TRPM3: variants seen among roughly 807,000 people sequenced by gnomAD.
TRPM3 encodes the protein transient receptor potential cation channel subfamily M member 3.
TRPM3 carries 77 observed loss-of-function variants against 181.2 expected under a neutral mutation model. The observed-to-expected ratio is 0.42, with a 90% CI of 0.35 to 0.51. The LOEUF is 0.51. TRPM3 is among the 20% of genes least tolerant of loss of function. The pLI, the probability that TRPM3 is intolerant of heterozygous loss-of-function variation, is 0.01. For missense variants in TRPM3, 1,759 were observed against 2,196.7 expected (o/e 0.80, Z 3.98); for synonymous variants, 745 against 796.4 (o/e 0.94, Z 1.09).
chr9:70,948,141 A>G (rs2096956757), intron 1 of TRPM3, among the ~76,000 whole-genome samples: 1 of 150,302 alleles, frequency 6.7e-6, no homozygotes, highest in Non-Finnish European at 1.5e-5. Flanking sequence ...TGTCTTTCAG[A>G]TAGAGCACTA....
intron 1 of TRPM3, among the ~76,000 whole-genome samples, chr9:71,016,720 G>C (rs1184843669): frequency 2.0e-5 from 3 of 152,054 alleles, no homozygotes; most frequent in Admixed American, 1.3e-4. Context: ...TTGCTATGAA[G>C]ATTATGATAC....
At chr9:70,871,844 A>G (rs929517476) in intron 1 of TRPM3, among the ~76,000 whole-genome samples, 2 of 152,014 alleles carry the variant, frequency 1.3e-5, no homozygotes, top group Admixed American at 1.3e-4. Flanking sequence ...TCTTTATGCA[A>G]TGGCAGATAC....
rs571432630 is a variant in TRPM3 at position 70,597,723 on chromosome 9, G to A, written c.3048+696C>T. On this transcript the variant is annotated intron_variant, in intron 21 of 25. Coordinates refer to ENST00000677713, the MANE Select transcript of TRPM3 (RefSeq NM_001366145.2). ...CTTGGGATTTTTTCTTCAAGAATTC[G>A]ATAAGAAGGAGCATCATTCTGGAAG... Among the ~76,000 whole-genome samples the A allele has an allele frequency of 1.2e-4, 19 of 152,240 alleles. No homozygotes were observed. The South Asian group carries it at 2.7e-3, about 22-fold the overall frequency.
chr9:70,809,012 T>A (rs2091308406), intron 6 of TRPM3, among the ~76,000 whole-genome samples: 1 of 152,212 alleles, frequency 6.6e-6, no homozygotes, highest in South Asian at 2.1e-4. Context: ...GACATCTTGA[T>A]GATTCTGACC....
At chr9:70,602,457 T>C (rs1292867375) in intron 20 of TRPM3, among the ~76,000 whole-genome samples, 3 of 152,198 alleles carry the variant, frequency 2.0e-5, no homozygotes, top group Admixed American at 2.0e-4. Context: ...TTAGGGTTGT[T>C]CTTGAGCTCT....
At chr9:71,252,847 C>CTTTTTTTTTTTTTTTTTTTTT (rs11417438) in intron 1 of TRPM3, among the ~76,000 whole-genome samples, 1 of 84,754 alleles carries the variant, frequency 1.2e-5, no homozygotes, top group African/African-American at 5.2e-5. Flanking sequence ...AATTTTGTCT[C>CTTTTTTTTTTTTTTTTTTTTT]TTTTTTTTTT....
At chr9:71,053,994 T>C (rs2060366243) in intron 1 of TRPM3, among the ~76,000 whole-genome samples, 1 of 152,068 alleles carries the variant, frequency 6.6e-6, no homozygotes, top group African/African-American at 2.4e-5. Context: ...CATGGTATGG[T>C]GAAGGCTTTA....
intron 12 of TRPM3, among the ~76,000 whole-genome samples, chr9:70,629,215 CGGGGG>C (rs550040624): frequency 0.012 from 126 of 10,174 alleles, 26 homozygotes; most frequent in Admixed American, 0.038. Flanking sequence ...TGACCAGTGC[CGGGGG>C]GGGGGGGGGC....
At chr9:70,861,131 G>A (rs1447908185) in intron 3 of TRPM3, among the ~76,000 whole-genome samples, 1 of 152,044 alleles carries the variant, frequency 6.6e-6, no homozygotes, top group East Asian at 1.9e-4. Flanking sequence ...GACTGGACTT[G>A]TAAAAAACAG....
At chr9:71,425,404 A>G (rs1026929020) in intron 1 of TRPM3, among the ~76,000 whole-genome samples, 3 of 152,122 alleles carry the variant, frequency 2.0e-5, no homozygotes, top group Admixed American at 1.3e-4. Context: ...CAGGATTTCT[A>G]TAAATATTAC....
intron 1 of TRPM3, among the ~76,000 whole-genome samples, chr9:70,930,300 T>C (rs112179319): frequency 0.02 from 2,974 of 152,296 alleles, 50 homozygotes; most frequent in East Asian, 0.047. Context: ...TTTTTCACAA[T>C]AGTAATTCAG....
At chr9:71,180,220 A>T (rs1171361061) in intron 1 of TRPM3, among the ~76,000 whole-genome samples, 1 of 151,786 alleles carries the variant, frequency 6.6e-6, no homozygotes, top group Admixed American at 6.6e-5. Flanking sequence ...ACACCCAGCT[A>T]ATTTTTGTAT....
At chr9:71,120,416 A>T (rs1407402193) in intron 1 of TRPM3, among the ~76,000 whole-genome samples, 5 of 152,116 alleles carry the variant, frequency 3.3e-5, no homozygotes, top group Non-Finnish European at 7.4e-5. Context: ...ATTAGTACAG[A>T]GTTGTATGGA....
intron 1 of TRPM3, among the ~76,000 whole-genome samples, chr9:71,134,718 G>C (rs2074659248): frequency 6.6e-6 from 1 of 152,182 alleles, no homozygotes; most frequent in African/African-American, 2.4e-5. Flanking sequence ...CAAAAGCAGT[G>C]AGTGAATTGA....
intron 22 of TRPM3, among the ~76,000 whole-genome samples, chr9:70,563,885 G>A (rs997666609): frequency 2.0e-5 from 3 of 152,198 alleles, no homozygotes; most frequent in Non-Finnish European, 4.4e-5. Flanking sequence ...CACGCATGTC[G>A]TGCTCTGCTT....
chr9:71,321,690 C>T (rs576182208), intron 1 of TRPM3, among the ~76,000 whole-genome samples: 5 of 152,130 alleles, frequency 3.3e-5, no homozygotes, highest in Admixed American at 2.0e-4. Context: ...ATCAACCAGA[C>T]ACAGGAGGAA....
chr9:71,422,714 A>T (rs1010590813), intron 1 of TRPM3, among the ~76,000 whole-genome samples: 1 of 152,076 alleles, frequency 6.6e-6, no homozygotes, highest in African/African-American at 2.4e-5. Flanking sequence ...AACTCCTGTC[A>T]TATCGTTATG....
chr9:70,919,406 C>A (rs543011103), intron 1 of TRPM3, among the ~76,000 whole-genome samples: 19 of 152,196 alleles, frequency 1.2e-4, no homozygotes, highest in African/African-American at 4.6e-4. Context: ...TTCTCCACAA[C>A]CCCAATCTCT....
intron 1 of TRPM3, among the ~76,000 whole-genome samples, chr9:70,998,028 T>C (rs1423302027): frequency 6.6e-6 from 1 of 151,866 alleles, no homozygotes; most frequent in Non-Finnish European, 1.5e-5. Flanking sequence ...TTCAAGACTG[T>C]TCCGATTGTT....
Sources: allele counts gnomAD v4.1 joint callset (sites outside exome capture counted in the v4.1 genomes callset), GRCh38; gene constraint gnomAD v4.1.1; transcripts MANE v1.5; gene names NCBI Gene and HGNC (gene_info 2026-07-23, HGNC 2026-07-21).